The following CCL18 variants were observed in gnomAD, a reference collection of about 807,000 sequenced individuals.
The protein encoded by CCL18 is C-C motif chemokine ligand 18.
A neutral mutation model predicts 8.0 loss-of-function variants in CCL18; 7 were observed. The observed-to-expected ratio is 0.87, with a 90% confidence interval of 0.50 to 1.64. The LOEUF is 1.64. Ranked by LOEUF, CCL18 falls within the 40% of genes most tolerant of loss-of-function variation. The pLI is 0.00. For synonymous variants in CCL18, 35 were observed against 41.3 expected, an observed-to-expected ratio of 0.85 and a Z score of 0.59; for missense variants, 95 against 107.8, an observed-to-expected ratio of 0.88 and a Z score of 0.52.
At chr17:36,068,256 G>A (rs952449822) in intron 1 of CCL18, among the ~76,000 whole-genome samples, 1 of 151,680 alleles carries the variant, frequency 6.6e-6, no homozygotes, top group African/African-American at 2.4e-5. Context: ...AAGGAAAAAA[G>A]CAAATGAGCA....
At chr17:36,065,902 A>G (rs1350615912) in intron 1 of CCL18, among the ~76,000 whole-genome samples, 1 of 152,232 alleles carries the variant, frequency 6.6e-6, no homozygotes, top group Admixed American at 6.5e-5. Flanking sequence ...AACTTCATTC[A>G]GTCTACAGAG....
In CCL18 at chr17:36,065,154, C is replaced by T. The variant is rs113021290; in HGVS notation, c.67+745C>T. ...TGCCTATTATAAAACCAGTGGTGAG[C>T]GGTCTTAAAATTAAAATCCTATGAT... On this transcript the variant is annotated intron_variant, in intron 1 of 2. Transcript: ENST00000616054. Among the ~76,000 whole-genome samples the T allele has an allele frequency of 3.3e-5, 5 of 152,256 alleles. 1 individual carries two copies. The highest frequency in any genetic ancestry group is 9.6e-5 in the African/African-American group (4 of 41,534).
chr17:36,071,229 A>G lies in CCL18; in HGVS notation c.*188A>G. 1 of 565,032 alleles carries G rather than the reference A, an allele frequency of 1.8e-6. No individual in the cohort carries two copies. Among genetic ancestry groups the G allele is most frequent in the Non-Finnish European group, 3.2e-6 (1 of 315,048 alleles). The allele number at this position is 565,032 out of a possible 1,614,324, so 35.0% of individuals were successfully genotyped here. On this transcript the variant is annotated 3_prime_UTR_variant, in exon 3 of 3. Coordinates refer to ENST00000616054, the MANE Select transcript of CCL18 (RefSeq NM_002988.4). ...ATATTTCATTTTGAAATTGATTTCT[A>G]TTGTTGAGCTGCATTATGAAATTAG...
At position 36,071,451 on chromosome 17, in the gene CCL18, T is replaced by C. The variant is rs974397982; in HGVS notation, c.*410T>C. Reference sequence around the variant, plus strand: ...TTTAATATATTGGCAGTACTTATTATATAAAAGGTAAACCAGCATTCTCAC... The same window carrying C: ...TTTAATATATTGGCAGTACTTATTACATAAAAGGTAAACCAGCATTCTCAC... On this transcript the variant is annotated 3_prime_UTR_variant, in exon 3 of 3. Coordinates refer to ENST00000616054, the MANE Select transcript of CCL18 (RefSeq NM_002988.4). 1 of 159,456 alleles carries C rather than the reference T, an allele frequency of 6.3e-6. No individual in the cohort carries two copies. Among genetic ancestry groups the C allele is most frequent in the Non-Finnish European group, 1.4e-5 (1 of 72,638 alleles). 9.9% of individuals were successfully genotyped at this position (159,456 alleles called of 1,614,324 possible). A position where few individuals can be genotyped will look rare whatever the true frequency, so the allele number is the denominator to read the frequency against.
chr17:36,070,579 C>T (rs753106594), intron 2 of CCL18, 21 bp downstream of exon 2: 8 of 1,445,328 alleles, frequency 5.5e-6, no homozygotes, highest in Middle Eastern at 1.7e-4. Flanking sequence ...GTGCTCCTGC[C>T]CACCCCTCGG....
At chr17:36,069,940 T>C (rs1470916432) in intron 1 of CCL18, among the ~76,000 whole-genome samples, 1 of 152,174 alleles carries the variant, frequency 6.6e-6, no homozygotes, top group African/African-American at 2.4e-5. Flanking sequence ...ATCAGAGGGA[T>C]TTCAGGGACT....
At chr17:36,070,667 A>G in intron 2 of CCL18, 109 bp downstream of exon 2, 1 of 716,238 alleles carries the variant, frequency 1.4e-6, no homozygotes, top group Non-Finnish European at 2.4e-6. Context: ...AAAGGACTCC[A>G]GGGGAGGCCC....
chr17:36,068,234 C>T (rs1238702604), intron 1 of CCL18, among the ~76,000 whole-genome samples: 1 of 151,650 alleles, frequency 6.6e-6, no homozygotes, highest in Non-Finnish European at 1.5e-5. Context: ...CCCCACCAGA[C>T]ACAGTAAGAA....
rs754242688 is a variant in CCL18 at position 36,070,565 on chromosome 17, G to A, written c.179+7G>A. 3 of 1,549,278 alleles carry A rather than the reference G, an allele frequency of 1.9e-6. No homozygotes were observed. In the African/African-American group the frequency reaches 4.1e-5, roughly 21 times the overall value. On this transcript the variant is annotated splice_region_variant and intron_variant, in intron 2 of 2. Transcript: ENST00000616054. ...GCCCCAAGCCAGGTGTCATGTAAGTGCCAGTGCTCCTGCCCACCCCTCGGG... is the reference window on the plus strand; with the variant it reads ...GCCCCAAGCCAGGTGTCATGTAAGTACCAGTGCTCCTGCCCACCCCTCGGG...
chr17:36,064,429 G>A lies in CCL18; in HGVS notation c.67+20G>A. ...CACAAGGTGAGTCTGTCATCCATGT[G>A]CTTTGATGGCTCCCTGGGCAGAAGT... On this transcript the variant is annotated intron_variant, in intron 1 of 2. Transcript: ENST00000616054. 6.3e-7 allele frequency: 1 copy of A among 1,594,168 alleles called. No individual in the cohort carries two copies. The highest frequency in any genetic ancestry group is 8.6e-7 in the Non-Finnish European group (1 of 1,162,836).
chr17:36,067,271 C>T (rs1386654740), intron 1 of CCL18, among the ~76,000 whole-genome samples: 4 of 152,146 alleles, frequency 2.6e-5, no homozygotes, highest in African/African-American at 7.2e-5. Flanking sequence ...CTATATAGAT[C>T]AGGAGCCTTA....
intron 1 of CCL18, among the ~76,000 whole-genome samples, chr17:36,066,483 C>A (rs1409279117): frequency 1.3e-5 from 2 of 152,176 alleles, no homozygotes; most frequent in African/African-American, 2.4e-5. Flanking sequence ...CCATGAGGAG[C>A]TGGAGACTGG....
chr17:36,069,826 C>T lies in CCL18; in HGVS notation c.68-621C>T, dbSNP rs377136888. Among the ~76,000 whole-genome samples the T allele has an allele frequency of 3.4e-4, 52 of 152,350 alleles. 1 individual carries two copies. The South Asian group carries it at 0.01, about 30-fold the overall frequency. On this transcript the variant is annotated intron_variant, in intron 1 of 2. Transcript: ENST00000616054. ...CTGAGGCCCTCTGCCCCCAGGCCCG[C>T]TGTCCCTTGTGTGAATTTGTCTTTT...
intron 2 of CCL18, 124 bp downstream of exon 2, chr17:36,070,682 A>G (rs2066860924): frequency 1.5e-6 from 1 of 675,178 alleles, no homozygotes; most frequent in Non-Finnish European, 2.6e-6. Flanking sequence ...AGGCCCCTGC[A>G]GTGTTTTGTG....
At chr17:36,070,678 C>A in intron 2 of CCL18, 120 bp downstream of exon 2, 1 of 684,880 alleles carries the variant, frequency 1.5e-6, no homozygotes, top group South Asian at 1.8e-5. Flanking sequence ...GGGGAGGCCC[C>A]TGCAGTGTTT....
chr17:36,065,929 G>C (rs927388999), intron 1 of CCL18, among the ~76,000 whole-genome samples: 4 of 152,126 alleles, frequency 2.6e-5, no homozygotes, highest in African/African-American at 9.7e-5. Context: ...CCCAGCAAGA[G>C]ACCATCGTCT....
intron 1 of CCL18, among the ~76,000 whole-genome samples, chr17:36,069,243 AC>A (rs1196725717): frequency 6.6e-6 from 1 of 152,144 alleles, no homozygotes; most frequent in East Asian, 1.9e-4. Context: ...TTATCTAAAG[AC>A]CTGCCCTTGT....
At chr17:36,064,477 G>C in intron 1 of CCL18, 68 bp downstream of exon 1, 1 of 1,255,068 alleles carries the variant, frequency 8.0e-7, no homozygotes, top group Non-Finnish European at 1.2e-6. Flanking sequence ...TCCAAGTGCT[G>C]TGGCCTGAAA....
At chr17:36,066,827 G>A (rs1028533475) in intron 1 of CCL18, among the ~76,000 whole-genome samples, 4 of 152,232 alleles carry the variant, frequency 2.6e-5, no homozygotes, top group African/African-American at 7.2e-5. Context: ...CACACCCTGG[G>A]TGAAAAGGAC....
Sources: allele counts gnomAD v4.1 joint callset (sites outside exome capture counted in the v4.1 genomes callset), GRCh38; gene constraint gnomAD v4.1.1; transcripts MANE v1.5; gene names NCBI Gene and HGNC (gene_info 2026-07-23, HGNC 2026-07-21).